CARD14: variants seen among roughly 807,000 people sequenced by gnomAD.
CARD14 encodes caspase recruitment domain family member 14, also known as caspase recruitment domain-containing protein 14.
A neutral mutation model predicts 111.5 loss-of-function variants in CARD14; 107 were observed. The observed-to-expected ratio is 0.96, with a 90% CI of 0.82 to 1.13. CARD14 has a LOEUF of 1.13. Among genes scored for constraint, CARD14 ranks in the 50% most tolerant of loss-of-function variants. CARD14 has a pLI of 0.00. For synonymous variants in CARD14, 617 were observed against 579.6 expected (o/e 1.06, Z -0.93); for missense variants, 1,322 against 1,362.3 (o/e 0.97, Z 0.47).
intron 22 of CARD14, chr17:80,205,878 C>T (rs1220811521): frequency 2.1e-6 from 1 of 467,102 alleles, no homozygotes; most frequent in African/African-American, 2.0e-5. Flanking sequence ...TCAGTTTCCT[C>T]AGCTTGGGGG....
At chr17:80,187,736 G>C (rs1278661323) in intron 7 of CARD14, 1 of 985,138 alleles carries the variant, frequency 1.0e-6, no homozygotes, top group African/African-American at 1.7e-5. Context: ...CCCCAGGGCT[G>C]CCACACCCAG....
rs78543318 is a variant in CARD14 at position 80,201,366 on chromosome 17, G to A, written c.1852-378G>A. Reference sequence around the variant, plus strand: ...CATCCTGTAGGGCCCGGTATAGCCCGCAGCAGCACAGAATGATCCCAAGGC... The same window carrying A: ...CATCCTGTAGGGCCCGGTATAGCCCACAGCAGCACAGAATGATCCCAAGGC... On this transcript the variant is annotated intron_variant, in intron 16 of 23. Transcript: ENST00000648509. The surrounding 1 kb of genome is among the most constrained non-coding windows in gnomAD (Gnocchi z 5.0). The A allele has an allele frequency of 5.4e-3, 1,122 of 209,504 alleles. 9 individuals carry two copies. The highest frequency in any genetic ancestry group is 0.025 in the African/African-American group (1,035 of 41,964). The allele number at this position is 209,504 out of a possible 1,614,324, so 13.0% of individuals were successfully genotyped here. A position where few individuals can be genotyped will look rare whatever the true frequency, so the allele number is the denominator to read the frequency against.
intron 2 of CARD14, among the ~76,000 whole-genome samples, chr17:80,175,952 G>GTTTTTT (rs531556673): frequency 5.6e-5 from 3 of 53,548 alleles, no homozygotes; most frequent in African/African-American, 2.5e-4. Flanking sequence ...CTCTCGGATC[G>GTTTTTT]TTTTTTTTTT....
At chr17:80,206,881 C>T (rs952955769) in intron 22 of CARD14, 89 bp from the exon 23 acceptor site, 16 of 827,716 alleles carry the variant, frequency 1.9e-5, no homozygotes, top group Admixed American at 5.1e-5. Context: ...TCAGCCTGTC[C>T]GGAGGGCCCT....
intron 5 of CARD14, 144 bp downstream of exon 5, chr17:80,181,793 AC>A: frequency 2.8e-6 from 2 of 726,186 alleles, no homozygotes; most frequent in Non-Finnish European, 4.4e-6. Flanking sequence ...CACCTGGATA[AC>A]CAGGATGATC....
At position 80,182,743 on chromosome 17, in the gene CARD14, C is replaced by T; in HGVS notation, c.302C>T (p.Thr101Ile). 6.2e-7 allele frequency: 1 copy of T among 1,614,190 alleles called. No individual in the cohort carries two copies. The highest frequency in any genetic ancestry group is 8.5e-7 in the Non-Finnish European group (1 of 1,180,026). ...AAGTTCCACAACCCTGACGTCTACA[C>T]CCTGGTCACCGGGCTGCAGCCTGAT... ...SLKFHNPDVYTLVTGLQPDVD... is the reference protein window; with the variant it reads ...SLKFHNPDVYILVTGLQPDVD... Residue 101 changes from threonine to isoleucine, a missense_variant, in exon 6 of 24, where the codon ACC becomes ATC. By Grantham distance (89) the Thr-to-Ile change is moderately conservative. Coordinates refer to ENST00000648509, the MANE Select transcript of CARD14 (RefSeq NM_001366385.1). This position sits in a 1 kb window ranked among gnomAD's most constrained non-coding sequence, Gnocchi z 4.7.
chr17:80,201,644 G>C lies in CARD14; in HGVS notation c.1852-100G>C. On this transcript the variant is annotated intron_variant, in intron 16 of 23. Transcript: ENST00000648509. The surrounding 1 kb of genome is among the most constrained non-coding windows in gnomAD (Gnocchi z 5.0). Reference sequence around the variant, plus strand: ...GTGCAGGCAGTGGTCCTACGGCAGGGCTGGCCCGCGCCTCGCCTCAGTGCC... The same window carrying C: ...GTGCAGGCAGTGGTCCTACGGCAGGCCTGGCCCGCGCCTCGCCTCAGTGCC... 2 of 1,287,970 alleles carry C rather than the reference G, an allele frequency of 1.6e-6. No homozygotes were observed. The highest frequency in any genetic ancestry group is 2.2e-6 in the Non-Finnish European group (2 of 891,344). The allele number at this position is 1,287,970 out of a possible 1,614,324, so 79.8% of individuals were successfully genotyped here.
intron 1 of CARD14, among the ~76,000 whole-genome samples, chr17:80,172,016 A>T (rs1378252642): frequency 1.3e-5 from 2 of 152,150 alleles, no homozygotes; most frequent in Admixed American, 6.5e-5. Flanking sequence ...ATCCGCAGAG[A>T]CCTGGCTGTC....
rs906610831 is a variant in CARD14, at chr17:80,173,854, C to T, written c.-367+626C>T. 1.3e-5 allele frequency among the ~76,000 whole-genome samples: 2 copies of T among 152,088 alleles called. 1 individual carries two copies. The highest frequency in any genetic ancestry group is 4.8e-5 in the African/African-American group (2 of 41,392). ...CCTTATGATCTGCCCACCTCGGCCT[C>T]CCAAAGTGCTGGGATTACAGGCGTG... On this transcript the variant is annotated intron_variant, in intron 2 of 23. Transcript: ENST00000648509.
chr17:80,199,142 CT>C (rs939382332), intron 16 of CARD14, among the ~76,000 whole-genome samples: 1 of 151,836 alleles, frequency 6.6e-6, no homozygotes, highest in Non-Finnish European at 1.5e-5. Context: ...TTTTCTAAAA[CT>C]TTTTTTTGTT....
intron 2 of CARD14, among the ~76,000 whole-genome samples, chr17:80,176,634 A>T (rs1195330324): frequency 2.0e-5 from 3 of 152,158 alleles, no homozygotes; most frequent in African/African-American, 7.2e-5. Flanking sequence ...GGGGGCCTGA[A>T]GACCCCTCGG....
In CARD14 at chr17:80,190,865, C is replaced by G; in HGVS notation, c.1055C>G (p.Ala352Gly). Residue 352 changes from alanine (A) to glycine (G), a missense_variant, in exon 10 of 24, where the codon GCC becomes GGC. Physicochemically the swap from Ala to Gly is moderately conservative, Grantham distance 60. Coordinates refer to ENST00000648509, the MANE Select transcript of CARD14 (RefSeq NM_001366385.1). ...AGGGAGAAGGTGAATGCGCTGCAGG[C>G]CCAGGTGTGCGAGCTGCAGAAGGAG... ...LYREKVNALQ[A>G]QVCELQKERD... is the part of the protein sequence containing the mutation. 6.2e-7 allele frequency: 1 copy of G among 1,614,022 alleles called. No individual in the cohort carries two copies. The highest frequency in any genetic ancestry group is 8.5e-7 in the Non-Finnish European group (1 of 1,180,024).
In CARD14 at chr17:80,173,298, G is replaced by GCACACA. The variant is rs761819467; in HGVS notation, c.-367+92_-367+97dup. The GCACACA allele has an allele frequency of 4.3e-3, 607 of 141,480 alleles. 4 individuals are homozygous for GCACACA. Among genetic ancestry groups the GCACACA allele is most frequent in the African/African-American group, 0.013 (467 of 37,132 alleles). The allele number at this position is 141,480 out of a possible 1,614,324, so 8.8% of individuals were successfully genotyped here. ...CTCTCCCCCTCTCTTTCTCTCTCAT[G>GCACACA]CACACACACACACACACACACACAC... On this transcript the variant is annotated intron_variant, in intron 2 of 23. Transcript: ENST00000648509.
intron 4 of CARD14, among the ~76,000 whole-genome samples, chr17:80,180,886 C>G (rs924391997): frequency 2.6e-5 from 4 of 152,128 alleles, no homozygotes; most frequent in Admixed American, 2.0e-4. Flanking sequence ...CCTCAGCCTC[C>G]TAAGTAGCTG....
In CARD14 at chr17:80,202,246, G is replaced by A. The variant is rs2041022951; in HGVS notation, c.2045G>A (p.Arg682Gln). The A allele has an allele frequency of 6.8e-6, 11 of 1,613,966 alleles. No homozygotes were observed. The highest frequency in any genetic ancestry group is 1.1e-5 in the South Asian group (1 of 91,084). The change falls in exon 18 of 24, where the codon CGG (arginine) becomes CAG (glutamine). Residue 682 changes from arginine to glutamine, a missense_variant. Arg to Gln is a conservative substitution (Grantham distance 43). Coordinates refer to ENST00000648509, the MANE Select transcript of CARD14 (RefSeq NM_001366385.1). ...ACCTCGGGGGACTCATTCTACATCC[G>A]GGTCAACCTGGCCATGGAGGGCAGG... ...VATSGDSFYI[R>Q]VNLAMEGRAK...
chr17:80,174,244 G>A (rs760272668), intron 2 of CARD14, among the ~76,000 whole-genome samples: 19 of 152,040 alleles, frequency 1.2e-4, no homozygotes, highest in African/African-American at 1.7e-4. Flanking sequence ...ATGGAGTCTC[G>A]GTCTGTCTCC....
chr17:80,205,320 T>C (rs1297203269), intron 21 of CARD14, 115 bp downstream of exon 21: 1 of 975,028 alleles, frequency 1.0e-6, no homozygotes, highest in African/African-American at 1.7e-5. Flanking sequence ...ACCACGCACA[T>C]TCCCACACTC....
Position 80,181,188 on chromosome 17 carries a change from G to T in CARD14, c.-20-231G>T, listed in dbSNP as rs186996543. Among the ~76,000 whole-genome samples, 96 of 152,266 alleles carry T rather than the reference G, an allele frequency of 6.3e-4. No homozygotes were observed. In the Middle Eastern group the frequency reaches 0.01, roughly 16 times the overall value. ...AGTGACTTTATTGCTTAGGATTGGG[G>T]TAGAGCAGGTGGGGCCGTGGCACTC... On this transcript the variant is annotated intron_variant, in intron 4 of 23. Coordinates refer to ENST00000648509, the MANE Select transcript of CARD14 (RefSeq NM_001366385.1).
chr17:80,188,347 C>T lies in CARD14; in HGVS notation c.676-30C>T, dbSNP rs199561010. 1.5e-3 allele frequency: 2,345 copies of T among 1,598,220 alleles called. 2 individuals carry two copies. Among genetic ancestry groups the T allele is most frequent in the Non-Finnish European group, 1.9e-3 (2,222 of 1,172,728 alleles). ...TGATCAGGGGAGAAGCTGTTTCCAT[C>T]GCCCTTCCTGTCGCCTCCCCACCGC... is the stretch of plus-strand genomic sequence containing the variant. On this transcript the variant is annotated intron_variant, in intron 7 of 23. Coordinates refer to ENST00000648509, the MANE Select transcript of CARD14 (RefSeq NM_001366385.1). The surrounding 1 kb of genome is among the most constrained non-coding windows in gnomAD (Gnocchi z 4.5).
Sources: allele counts gnomAD v4.1 joint callset (sites outside exome capture counted in the v4.1 genomes callset), GRCh38; gene constraint gnomAD v4.1.1; non-coding constraint Gnocchi (gnomAD v3.1); transcripts MANE v1.5; gene names NCBI Gene and HGNC (gene_info 2026-07-23, HGNC 2026-07-21).